Variants in NFASC observed in about 807,000 individuals in gnomAD.
NFASC encodes neurofascin homolog.
A neutral mutation model predicts 147.5 loss-of-function variants in NFASC; 43 were observed. That is an observed-to-expected ratio of 0.29 (90% confidence interval 0.23 to 0.38). The LOEUF (loss-of-function observed/expected upper bound fraction) is 0.38. Ranked by LOEUF, NFASC falls within the 10% of genes least tolerant of loss-of-function variation. NFASC has a pLI of 1.00. For missense variants in NFASC, 1,320 were observed against 1,689.0 expected (o/e 0.78, Z 3.83); for synonymous variants, 622 against 665.5 (o/e 0.93, Z 1.01).
intron 2 of NFASC, among the ~76,000 whole-genome samples, chr1:204,930,092 C>A (rs1182569625): frequency 6.6e-6 from 1 of 152,130 alleles, no homozygotes; most frequent in Non-Finnish European, 1.5e-5. Context: ...CAAGCCAGAG[C>A]CTCAGGATGA....
At chr1:204,980,146 T>G (rs2095483806) in intron 19 of NFASC, among the ~76,000 whole-genome samples, 1 of 152,206 alleles carries the variant, frequency 6.6e-6, no homozygotes, top group African/African-American at 2.4e-5. Flanking sequence ...GGTAAAGGAT[T>G]AAAATTCAGA....
In NFASC at chr1:204,878,683, C is replaced by T. The variant is rs114240656; in HGVS notation, c.-199-41949C>T. On this transcript the variant is annotated intron_variant, in intron 1 of 29. Coordinates refer to ENST00000339876, the MANE Select transcript of NFASC (RefSeq NM_001005388.3). The stretch of plus-strand genomic sequence containing the variant: ...GATCAACACTTGGCCAGTCTTGTTT[C>T]ATCCAGCGGATTCTTCTCTTTGATC... Among the ~76,000 whole-genome samples, 1,054 of 152,360 alleles carry T rather than the reference C, an allele frequency of 6.9e-3. 14 individuals are homozygous for T. Among genetic ancestry groups the T allele is most frequent in the African/African-American group, 0.024 (1,006 of 41,582 alleles).
intron 1 of NFASC, among the ~76,000 whole-genome samples, chr1:204,830,006 G>GT (rs1671738105): frequency 3.1e-4 from 44 of 144,100 alleles, no homozygotes; most frequent in African/African-American, 1.1e-3. Context: ...TTTGGCATGG[G>GT]GTGTGTGTGT....
At chr1:204,874,791 C>T (rs541187829) in intron 1 of NFASC, among the ~76,000 whole-genome samples, 1 of 152,158 alleles carries the variant, frequency 6.6e-6, no homozygotes. Context: ...GTCAGCCCCA[C>T]ATTTATAATC....
chr1:204,932,707 C>T (rs1013245331), intron 2 of NFASC, among the ~76,000 whole-genome samples: 2 of 152,162 alleles, frequency 1.3e-5, no homozygotes, highest in Non-Finnish European at 2.9e-5. Flanking sequence ...GTTCAGTAGT[C>T]GTGACAGAAA....
intron 1 of NFASC, among the ~76,000 whole-genome samples, chr1:204,910,466 A>G (rs893486791): frequency 4.6e-5 from 7 of 151,884 alleles, no homozygotes; most frequent in African/African-American, 1.7e-4. Flanking sequence ...TTTGAGAAGC[A>G]AGAGCTTTTT....
At chr1:204,844,519 C>T (rs1676385939) in intron 1 of NFASC, among the ~76,000 whole-genome samples, 2 of 152,124 alleles carry the variant, frequency 1.3e-5, no homozygotes, top group Non-Finnish European at 2.9e-5. Context: ...CCTAAAAAGC[C>T]CTTATATTCC....
At chr1:204,892,759 C>G (rs2082649600) in intron 1 of NFASC, among the ~76,000 whole-genome samples, 1 of 152,204 alleles carries the variant, frequency 6.6e-6, no homozygotes, top group African/African-American at 2.4e-5. Flanking sequence ...ATTGATTTCA[C>G]CTGTTTCTTT....
At chr1:204,973,549 T>C (rs2095320095) in intron 12 of NFASC, 130 bp downstream of exon 12, 9 of 1,167,170 alleles carry the variant, frequency 7.7e-6, no homozygotes, top group South Asian at 4.7e-5. Flanking sequence ...TAAGAGGATG[T>C]TGGATAGGGG....
intron 8 of NFASC, among the ~76,000 whole-genome samples, chr1:204,965,834 A>G (rs1358187283): frequency 6.6e-6 from 1 of 152,228 alleles, no homozygotes; most frequent in Non-Finnish European, 1.5e-5. Context: ...AGTGGGTGGA[A>G]AGCACACGTT....
At chr1:204,929,908 G>C (rs1165440076) in intron 2 of NFASC, among the ~76,000 whole-genome samples, 1 of 152,230 alleles carries the variant, frequency 6.6e-6, no homozygotes, top group Admixed American at 6.5e-5. Flanking sequence ...GAGCTGGAAG[G>C]AATGGAACAC....
chr1:204,916,714 T>TCTTG, intron 1 of NFASC, among the ~76,000 whole-genome samples: 1 of 59,856 alleles, frequency 1.7e-5, no homozygotes, highest in South Asian at 7.3e-4. Context: ...TTTTTGTTTT[T>TCTTG]TTTGTTTGTT....
chr1:204,922,444 A>G (rs1164938639), intron 2 of NFASC, among the ~76,000 whole-genome samples: 7 of 152,212 alleles, frequency 4.6e-5, no homozygotes, highest in Non-Finnish European at 2.9e-5. Context: ...AAAATCGAAT[A>G]TCGGTTCTGA....
At chr1:205,008,849 G>T in intron 27 of NFASC, 1 of 155,272 alleles carries the variant, frequency 6.4e-6, no homozygotes, top group Non-Finnish European at 1.4e-5. Flanking sequence ...AAGTGGCATG[G>T]AGTGAGCAGA....
rs558214621 is a variant in NFASC, at chr1:204,863,944, G to A, written c.-200+35162G>A. 9.6e-3 allele frequency among the ~76,000 whole-genome samples: 1,432 copies of A among 149,922 alleles called. 12 individuals carry two copies. The highest frequency in any genetic ancestry group is 0.014 in the Non-Finnish European group (912 of 67,552). On this transcript the variant is annotated intron_variant, in intron 1 of 29. Transcript: ENST00000339876. ...AGGAAAGGAGGAAGAAAGAGAGAGAGAAAGAGAGAAAGAAAGAAAGAGAAA... is the reference window on the plus strand; with the variant it reads ...AGGAAAGGAGGAAGAAAGAGAGAGAAAAAGAGAGAAAGAAAGAAAGAGAAA...
At chr1:204,957,955 C>T (rs2094501380) in intron 8 of NFASC, 129 bp downstream of exon 8, 4 of 814,220 alleles carry the variant, frequency 4.9e-6, no homozygotes, top group South Asian at 3.3e-5. Flanking sequence ...CCTTCCAGCT[C>T]ATGGTGCCTG....
At chr1:204,884,409 C>G (rs988133336) in intron 1 of NFASC, among the ~76,000 whole-genome samples, 2 of 152,096 alleles carry the variant, frequency 1.3e-5, no homozygotes, top group Admixed American at 1.3e-4. Context: ...GTATTGAGAG[C>G]CTCTTCTTCC....
chr1:204,954,905 C>A lies in NFASC; in HGVS notation c.489C>A (p.Asn163Lys), dbSNP rs766121496. Residue 163 changes from asparagine to lysine, a missense_variant, in exon 7 of 30, where the codon AAC becomes AAA. This residue lies in a region of NFASC where 981 missense variants were observed against 1,289.5 expected (regional missense o/e 0.76). Coordinates refer to ENST00000339876, the MANE Select transcript of NFASC (RefSeq NM_001005388.3). This position sits in a 1 kb window ranked among gnomAD's most constrained non-coding sequence, Gnocchi z 5.7. Reference sequence around the variant, plus strand: ...GCGCTCCTTTGACGCTCCAGTGCAACCCCCCGCCTGGACTTCCATCCCCGG... The same window carrying A: ...GCGCTCCTTTGACGCTCCAGTGCAAACCCCCGCCTGGACTTCCATCCCCGG... ...QEGAPLTLQC[N>K]PPPGLPSPVI... The A allele has an allele frequency of 9.9e-6, 16 of 1,613,982 alleles. No homozygotes were observed. The South Asian group carries it at 1.8e-4, about 18-fold the overall frequency.
chr1:204,974,373 C>A, intron 13 of NFASC, 83 bp downstream of exon 13: 3 of 1,078,808 alleles, frequency 2.8e-6, no homozygotes, highest in South Asian at 1.3e-5. Context: ...AGTAGGTGTT[C>A]AGCAAGACCT....
Sources: gnomAD v4.1 joint callset for allele counts (sites outside exome capture counted in the v4.1 genomes callset) on GRCh38, gnomAD v4.1.1 for gene constraint, gnomAD v4.1.1 regional missense constraint, Gnocchi (gnomAD v3.1) non-coding constraint, MANE v1.5 for transcripts, NCBI Gene and HGNC (gene_info 2026-07-23, HGNC 2026-07-21) for gene names.